The following CTC1 variants were observed in gnomAD, a reference collection of about 807,000 sequenced individuals.
CTC1 encodes the protein CST complex subunit CTC1.
A neutral mutation model predicts 136.3 loss-of-function variants in CTC1; 91 were observed. That is an observed-to-expected ratio of 0.67 (90% CI 0.56 to 0.79). The LOEUF is 0.79. Ranked by LOEUF, CTC1 falls within the 30% of genes least tolerant of loss-of-function variation. The pLI is 0.00. For synonymous variants in CTC1, 606 were observed against 613.8 expected, an observed-to-expected ratio of 0.99 and a Z score of 0.19; for missense variants, 1,432 against 1,498.1, an observed-to-expected ratio of 0.96 and a Z score of 0.73.
In CTC1 at chr17:8,232,429, G is replaced by A. The variant is rs755004377; in HGVS notation, c.1992C>T (p.Asp664=). ...TCCAGGAAGGGAAGCTGCTTCTCAC[G>A]TCCCTCTCTACGATCAACTGAAACC... ...AERFQLIVER[D]VRSSFPSWKE... is the part of the protein sequence containing the mutation. The change falls in exon 12 of 23, where the codon GAC becomes GAT. Residue 664 remains aspartate, a synonymous_variant. Coordinates refer to ENST00000651323, the MANE Select transcript of CTC1 (RefSeq NM_025099.6). 61 of 1,613,948 alleles carry A rather than the reference G, an allele frequency of 3.8e-5. No homozygotes were observed. The highest frequency in any genetic ancestry group is 1.6e-4 in the Middle Eastern group (1 of 6,082).
intron 10 of CTC1, chr17:8,233,252 T>G: frequency 3.9e-6 from 2 of 514,348 alleles, no homozygotes; most frequent in Non-Finnish European, 3.5e-6. Context: ...CAAATAGAGG[T>G]TACAGGTAAG....
rs760952784 is a variant in CTC1 at position 8,235,141 on chromosome 17, A to C, written c.1351T>G (p.Ser451Ala). 2.5e-6 allele frequency: 4 copies of C among 1,614,020 alleles called. No homozygotes were observed. The Admixed American group carries it at 6.7e-5, about 27-fold the overall frequency. Residue 451 changes from serine (S) to alanine (A), a missense_variant, in exon 8 of 23, where the codon TCC becomes GCC. By Grantham distance (99) the Ser-to-Ala change is moderately conservative. Coordinates refer to ENST00000651323, the MANE Select transcript of CTC1 (RefSeq NM_025099.6). ...TCCCACACCAGCTGCTCGTACAGGGAGGCCCCGTAGGCTTGACGGGATGAG... is the reference window on the plus strand; with the variant it reads ...TCCCACACCAGCTGCTCGTACAGGGCGGCCCCGTAGGCTTGACGGGATGAG... ...AHSSRQAYGA[S>A]LYEQLVWERQ...
At position 8,235,137 on chromosome 17, in the gene CTC1, A is replaced by G; in HGVS notation, c.1355T>C (p.Leu452Pro). 2 of 1,614,198 alleles carry G rather than the reference A, an allele frequency of 1.2e-6. No individual in the cohort carries two copies. Among genetic ancestry groups the G allele is most frequent in the South Asian group, 1.1e-5 (1 of 91,076 alleles). Residue 452 changes from leucine (L) to proline (P), a missense_variant, in exon 8 of 23, where the codon CTG becomes CCG. Physicochemically the swap from Leu to Pro is moderately conservative, Grantham distance 98 (BLOSUM62 -3). Coordinates refer to ENST00000651323, the MANE Select transcript of CTC1 (RefSeq NM_025099.6). ...ACGTTCCCACACCAGCTGCTCGTAC[A>G]GGGAGGCCCCGTAGGCTTGACGGGA... is the stretch of plus-strand genomic sequence containing the variant. ...HSSRQAYGASLYEQLVWERQL... is the reference protein window; with the variant it reads ...HSSRQAYGASPYEQLVWERQL...
At chr17:8,228,469 C>T (rs1404658523) in intron 22 of CTC1, 34 bp downstream of exon 22, 3 of 1,613,784 alleles carry the variant, frequency 1.9e-6, no homozygotes, top group East Asian at 2.2e-5. Context: ...CCATGATCCC[C>T]CTATCATCAT....
chr17:8,237,328 C>T, intron 5 of CTC1, 47 bp downstream of exon 5: 1 of 1,611,084 alleles, frequency 6.2e-7, no homozygotes, highest in Non-Finnish European at 8.5e-7. Context: ...ACTGAAAGTT[C>T]TACCACCCTC....
Position 8,231,264 on chromosome 17 carries a change from G to C in CTC1, c.2669+12C>G, listed in dbSNP as rs1428162766. 1.3e-6 allele frequency: 2 copies of C among 1,510,214 alleles called. No homozygotes were observed. The highest frequency in any genetic ancestry group is 1.4e-5 in the African/African-American group (1 of 71,580). The allele number at this position is 1,510,214 out of a possible 1,614,324, so 93.6% of individuals were successfully genotyped here. A position where few individuals can be genotyped will look rare whatever the true frequency, so the allele number is the denominator to read the frequency against. ...TGGCCAAATTAACCAGAGGGGCTTG[G>C]TGGACATTTACTTGTCACTGAGCAG... On this transcript the variant is annotated intron_variant, in intron 15 of 22. Coordinates refer to ENST00000651323, the MANE Select transcript of CTC1 (RefSeq NM_025099.6).
At position 8,226,993 on chromosome 17, in the gene CTC1, G is replaced by A. The variant is rs950866071; in HGVS notation, c.*1187C>T. 6.6e-6 allele frequency: 1 copy of A among 152,530 alleles called. No homozygotes were observed. Among genetic ancestry groups the A allele is most frequent in the African/African-American group, 2.4e-5 (1 of 41,402 alleles). The allele number at this position is 152,530 out of a possible 1,614,324, so 9.4% of individuals were successfully genotyped here. A position where few individuals can be genotyped will look rare whatever the true frequency, so the allele number is the denominator to read the frequency against. ...ACACACAAAAAAAAGCCACCCACTG[G>A]CCCGTACGGGGTTCGAACCCGCGAC... On this transcript the variant is annotated 3_prime_UTR_variant, in exon 23 of 23. Coordinates refer to ENST00000651323, the MANE Select transcript of CTC1 (RefSeq NM_025099.6).
intron 1 of CTC1, among the ~76,000 whole-genome samples, chr17:8,245,624 C>G (rs987397076): frequency 6.6e-6 from 1 of 152,122 alleles, no homozygotes; most frequent in Non-Finnish European, 1.5e-5. Context: ...AAGGCAAATT[C>G]GTGTTTTCAT....
At chr17:8,244,290 G>A (rs1306905735) in intron 1 of CTC1, among the ~76,000 whole-genome samples, 1 of 152,130 alleles carries the variant, frequency 6.6e-6, no homozygotes, top group Non-Finnish European at 1.5e-5. Flanking sequence ...GCTTCCTGAG[G>A]AGGATATGGA....
intron 1 of CTC1, among the ~76,000 whole-genome samples, chr17:8,245,878 G>A (rs1185295971): frequency 7.2e-6 from 1 of 139,088 alleles, no homozygotes; most frequent in East Asian, 2.6e-4. Context: ...GACCCGCCTG[G>A]GCAACATGGT....
rs1987252367 is a variant in CTC1, at chr17:8,231,792, A to G, written c.2409T>C (p.Ser803=). The G allele has an allele frequency of 1.2e-5, 20 of 1,614,226 alleles. No individual in the cohort carries two copies. The highest frequency in any genetic ancestry group is 1.7e-5 in the Non-Finnish European group (20 of 1,180,036). The change falls in exon 14 of 23, where the codon TCT becomes TCC. Residue 803 remains serine, a synonymous_variant. Coordinates refer to ENST00000651323, the MANE Select transcript of CTC1 (RefSeq NM_025099.6). ...GCAAGAACTCAAACCAGCGGACTGA[A>G]GAGCCAAAGAAAATGAGGTGAACCT... The part of the protein sequence containing the change: ...DQKVHLIFFG[S]SVRWFEFLHP...
At chr17:8,232,318 C>A in intron 12 of CTC1, 43 bp downstream of exon 12, 2 of 1,592,218 alleles carry the variant, frequency 1.3e-6, no homozygotes, top group Non-Finnish European at 1.7e-6. Flanking sequence ...CAGGCCCTTC[C>A]TTCCCCCCAG....
At position 8,232,472 on chromosome 17, in the gene CTC1, C is replaced by A; in HGVS notation, c.1949G>T (p.Cys650Phe). ...QPLSDPRLIGCLVRAERFQLI... is the reference protein window; with the variant it reads ...QPLSDPRLIGFLVRAERFQLI... ...CTGAAACCTCTCTGCCCGCACCAGGCAGCCTAGAGGAAGAAAGTTTTCTGT... is the reference window on the plus strand; with the variant it reads ...CTGAAACCTCTCTGCCCGCACCAGGAAGCCTAGAGGAAGAAAGTTTTCTGT... Residue 650 changes from cysteine (C) to phenylalanine (F), a missense_variant, in exon 12 of 23, where the codon TGC (cysteine) becomes TTC (phenylalanine). Cys to Phe is a radical substitution (Grantham distance 205, BLOSUM62 -2). Transcript: ENST00000651323. The A allele has an allele frequency of 6.2e-7, 1 of 1,613,278 alleles. No homozygotes were observed. The highest frequency in any genetic ancestry group is 8.5e-7 in the Non-Finnish European group (1 of 1,179,462).
At chr17:8,230,055 G>C (rs1987077978) in intron 17 of CTC1, 87 bp from the exon 18 acceptor site, 38 of 1,282,198 alleles carry the variant, frequency 3.0e-5, no homozygotes, top group Non-Finnish European at 4.1e-5. Flanking sequence ...GCACCACAGA[G>C]TGGCCACTCC....
At chr17:8,229,806 G>T in intron 18 of CTC1, 85 bp downstream of exon 18, 1 of 1,171,514 alleles carries the variant, frequency 8.5e-7, no homozygotes, top group Non-Finnish European at 1.3e-6. Flanking sequence ...AGACTGTAAT[G>T]ATGGCAAAAT....
intron 1 of CTC1, among the ~76,000 whole-genome samples, chr17:8,243,904 T>C (rs1168322813): frequency 6.6e-6 from 1 of 152,092 alleles, no homozygotes; most frequent in Non-Finnish European, 1.5e-5. Context: ...AAATCATGTC[T>C]CTACAAAAAT....
In CTC1 at chr17:8,227,870, CA is replaced by C. The variant is rs1013322644; in HGVS notation, c.*309del. Reference sequence around the variant, plus strand: ...GTCAATAGGCCTGTCACCATCACCCCACAGCGAGCAAGTCTTTTGTTCCCTC... The same window carrying C: ...GTCAATAGGCCTGTCACCATCACCCCCAGCGAGCAAGTCTTTTGTTCCCTC... On this transcript the variant is annotated 3_prime_UTR_variant, in exon 23 of 23. Transcript: ENST00000651323. 4 of 282,690 alleles carry C rather than the reference CA, an allele frequency of 1.4e-5. No individual in the cohort carries two copies. Among genetic ancestry groups the C allele is most frequent in the Non-Finnish European group, 2.7e-5 (4 of 146,188 alleles). 17.5% of individuals were successfully genotyped at this position (282,690 alleles called of 1,614,324 possible). A position where few individuals can be genotyped will look rare whatever the true frequency, so the allele number is the denominator to read the frequency against.
intron 2 of CTC1, among the ~76,000 whole-genome samples, chr17:8,240,688 T>C (rs953249425): frequency 1.3e-5 from 2 of 150,466 alleles, no homozygotes; most frequent in African/African-American, 4.9e-5. Context: ...GAGACCAGCC[T>C]GGCCAACATG....
Position 8,232,234 on chromosome 17 carries a change from GGA to G in CTC1, c.2061-9_2061-8del. 1.3e-6 allele frequency: 2 copies of G among 1,535,808 alleles called. No individual in the cohort carries two copies. Among genetic ancestry groups the G allele is most frequent in the African/African-American group, 1.4e-5 (1 of 72,308 alleles). On this transcript the variant is annotated splice_region_variant and splice_polypyrimidine_tract_variant and intron_variant, in intron 12 of 22. Transcript: ENST00000651323. Reference sequence around the variant, plus strand: ...AAAGAACTGGACATAGACTCTGTTGGGAGAGACAAGGAATACATTTCTTAGTG... The same window carrying G: ...AAAGAACTGGACATAGACTCTGTTGGGAGACAAGGAATACATTTCTTAGTG...
Sources: allele counts gnomAD v4.1 joint callset (sites outside exome capture counted in the v4.1 genomes callset), GRCh38; gene constraint gnomAD v4.1.1; transcripts MANE v1.5; gene names NCBI Gene and HGNC (gene_info 2026-07-23, HGNC 2026-07-21).